The following BPTF variants were observed in gnomAD, a reference collection of about 807,000 sequenced individuals.
BPTF encodes bromodomain PHD finger transcription factor, also known as nucleosome-remodeling factor subunit BPTF.
BPTF carries 18 observed loss-of-function variants against 292.5 expected under a neutral mutation model. The observed-to-expected ratio is 0.06, with a 90% confidence interval of 0.04 to 0.09. The LOEUF is 0.09. Among genes scored for constraint, BPTF ranks in the 10% least tolerant of loss-of-function variants. BPTF has a pLI of 1.00. For missense variants in BPTF, 2,726 were observed against 3,498.7 expected, an observed-to-expected ratio of 0.78 and a Z score of 5.57; for synonymous variants, 1,225 against 1,251.9, an observed-to-expected ratio of 0.98 and a Z score of 0.45.
intron 18 of BPTF, among the ~76,000 whole-genome samples, chr17:67,934,870 C>CAAAAAAAAAA (rs569120237): frequency 0.025 from 2,308 of 90,914 alleles, 400 homozygotes; most frequent in African/African-American, 0.13. Flanking sequence ...AACTCTGTCT[C>CAAAAAAAAAA]AAAAAAAAAA....
chr17:67,925,711 A>G (rs936675332), intron 15 of BPTF, among the ~76,000 whole-genome samples: 2 of 152,162 alleles, frequency 1.3e-5, no homozygotes, highest in Non-Finnish European at 2.9e-5. Flanking sequence ...ATAACTATTT[A>G]AAAATCATAT....
intron 1 of BPTF, among the ~76,000 whole-genome samples, chr17:67,840,470 G>C (rs2057463651): frequency 6.6e-6 from 1 of 151,638 alleles, no homozygotes; most frequent in Admixed American, 6.6e-5. Flanking sequence ...TGTTGTTGTT[G>C]TTGCTGCTGC....
In BPTF at chr17:67,912,834, G is replaced by A. The variant is rs1422417160; in HGVS notation, c.4950G>A (p.Lys1650=). The part of the protein sequence containing the change: ...TGGSVDIISV[K]EQSKTVVTTT... ...GCAGTGTGGACATCATCTCTGTAAA[G>A]GAGCAGAGCAAAACCGTGGTCACCA... Residue 1650 remains lysine (K), a synonymous_variant, in exon 11 of 28, where the codon AAG becomes AAA. Coordinates refer to ENST00000306378, the MANE Select transcript of BPTF (RefSeq NM_182641.4). 1 of 1,614,136 alleles carries A rather than the reference G, an allele frequency of 6.2e-7. No individual in the cohort carries two copies. The highest frequency in any genetic ancestry group is 1.7e-5 in the Admixed American group (1 of 59,988).
chr17:67,863,778 C>G (rs2059227919), intron 2 of BPTF, among the ~76,000 whole-genome samples: 1 of 152,180 alleles, frequency 6.6e-6, no homozygotes, highest in South Asian at 2.1e-4. Context: ...GGACATTATT[C>G]AACTCATTTC....
intron 17 of BPTF, 74 bp from the exon 18 acceptor site, chr17:67,931,837 T>A: frequency 1.9e-6 from 2 of 1,059,908 alleles, no homozygotes; most frequent in Non-Finnish European, 2.8e-6. Context: ...TGTTTAAAGA[T>A]CTTGTGTTCT....
Position 67,904,822 on chromosome 17 carries a change from A to G in BPTF, c.2794A>G (p.Arg932Gly). The change falls in exon 9 of 28, where the codon AGA becomes GGA. Residue 932 changes from arginine (R) to glycine (G), a missense_variant. Physicochemically the swap from Arg to Gly is moderately radical, Grantham distance 125. This residue lies in a region of BPTF where 713 missense variants were observed against 714.9 expected (regional missense o/e 1.00). Transcript: ENST00000306378. ...GCCAGGCAATACTAATGTGAATTAC[A>G]GAAAGTCGTTAGAAGGAAGTAAGTA... ...KLPGNTNVNY[R>G]KSLEGTKNNM... The G allele has an allele frequency of 3.7e-6, 6 of 1,612,340 alleles. No homozygotes were observed. Among genetic ancestry groups the G allele is most frequent in the Non-Finnish European group, 5.1e-6 (6 of 1,178,954 alleles).
chr17:67,917,099 G>A (rs1413799681), intron 11 of BPTF, among the ~76,000 whole-genome samples: 1 of 136,576 alleles, frequency 7.3e-6, no homozygotes, highest in African/African-American at 2.7e-5. Flanking sequence ...AGAGAGATTT[G>A]TCTGTTGATA....
chr17:67,957,745 C>T (rs2067094563), intron 23 of BPTF, among the ~76,000 whole-genome samples: 1 of 152,198 alleles, frequency 6.6e-6, no homozygotes. Context: ...CCTGTAGCTA[C>T]TTGAAGGGGT....
At position 67,864,455 on chromosome 17, in the gene BPTF, G is replaced by A. The variant is rs1161127804; in HGVS notation, c.1437-2009G>A. ...AGGCATGAGAAGTGCTTGAACCCAG[G>A]AGGCAGAGGTTGCAGTGAGCCAAGA... On this transcript the variant is annotated intron_variant, in intron 2 of 27. Transcript: ENST00000306378. Among the ~76,000 whole-genome samples, 3 of 149,430 alleles carry A rather than the reference G, an allele frequency of 2.0e-5. No homozygotes were observed. In the South Asian group the frequency reaches 6.3e-4, roughly 31 times the overall value.
intron 5 of BPTF, among the ~76,000 whole-genome samples, chr17:67,892,333 CAT>C (rs1172632199): frequency 6.6e-6 from 1 of 152,234 alleles, no homozygotes; most frequent in Non-Finnish European, 1.5e-5. Context: ...CTTCTTTACA[CAT>C]ATGAGTAGGC....
chr17:67,929,270 C>T, intron 16 of BPTF, 66 bp from the exon 17 acceptor site: 2 of 1,581,538 alleles, frequency 1.3e-6, no homozygotes, highest in Admixed American at 3.5e-5. Context: ...TCCTCAGCAA[C>T]CGAGCACCAC....
chr17:67,846,838 T>A (rs2058063437), intron 1 of BPTF, among the ~76,000 whole-genome samples: 1 of 152,110 alleles, frequency 6.6e-6, no homozygotes, highest in Admixed American at 6.6e-5. Flanking sequence ...GTAGCTGGGA[T>A]TACAGGCACA....
In BPTF at chr17:67,944,167, G is replaced by A. The variant is rs372038942; in HGVS notation, c.6495G>A (p.Leu2165=). 2.5e-6 allele frequency: 4 copies of A among 1,614,052 alleles called. No homozygotes were observed. The African/African-American group carries it at 5.3e-5, about 22-fold the overall frequency. The change falls in exon 20 of 28, where the codon TTG becomes TTA. Residue 2165 remains leucine, a synonymous_variant. Coordinates refer to ENST00000306378, the MANE Select transcript of BPTF (RefSeq NM_182641.4). ...TTCCACAGGGTGGCAATCAAGGTTT[G>A]ACAGTAGTAATTCAAGGACAAGGTC... The part of the protein sequence containing the change: ...LTQGHGGNQG[L]TVVIQGQGQT...
chr17:67,881,852 G>GTTTTTTTTTT, intron 4 of BPTF, among the ~76,000 whole-genome samples: 1 of 38,386 alleles, frequency 2.6e-5, no homozygotes, highest in Non-Finnish European at 9.4e-5. Flanking sequence ...GGGATTTTGG[G>GTTTTTTTTTT]TTTTTGTTTT....
Position 67,859,046 on chromosome 17 carries a change from T to C in BPTF, c.1436+4284T>C, listed in dbSNP as rs141874439. On this transcript the variant is annotated intron_variant, in intron 2 of 27. Coordinates refer to ENST00000306378, the MANE Select transcript of BPTF (RefSeq NM_182641.4). ...AGCAACATTTATTGAGCACTTCATG[T>C]GTGCCTCACAGTGTCCTAAGCATTT... Among the ~76,000 whole-genome samples the C allele has an allele frequency of 3.3e-3, 500 of 152,312 alleles. 4 individuals are homozygous for C. The highest frequency in any genetic ancestry group is 0.01 in the African/African-American group (433 of 41,566).
chr17:67,911,437 A>G lies in BPTF; in HGVS notation c.3553A>G (p.Ile1185Val), dbSNP rs2062646448. 1 of 1,614,158 alleles carries G rather than the reference A, an allele frequency of 6.2e-7. No homozygotes were observed. Reference sequence around the variant, plus strand: ...AACAAAATGTCCGAAACAAAATTCCATTGAAAATGACATAGAAGAAAAAGT... The same window carrying G: ...AACAAAATGTCCGAAACAAAATTCCGTTGAAAATGACATAGAAGAAAAAGT... ...PETKCPKQNS[I>V]ENDIEEKVSD... The change falls in exon 11 of 28, where the codon ATT becomes GTT. Residue 1185 changes from isoleucine (I) to valine (V), a missense_variant. By Grantham distance (29) the Ile-to-Val change is conservative (BLOSUM62 3). Coordinates refer to ENST00000306378, the MANE Select transcript of BPTF (RefSeq NM_182641.4).
At chr17:67,940,337 TGAAGATGGA>T in intron 18 of BPTF, 93 bp from the exon 19 acceptor site, 1 of 1,078,270 alleles carries the variant, frequency 9.3e-7, no homozygotes, top group Non-Finnish European at 1.4e-6. Context: ...AGTGTTTTTT[TGAAGATGGA>T]AAAGAATACG....
rs8068790 is a variant in BPTF at position 67,959,535 on chromosome 17, T to C, written c.7927-6T>C. On this transcript the variant is annotated splice_polypyrimidine_tract_variant and splice_region_variant and intron_variant, in intron 23 of 27. Coordinates refer to ENST00000306378, the MANE Select transcript of BPTF (RefSeq NM_182641.4). The stretch of plus-strand genomic sequence containing the variant: ...ATAGTCTTGTATTGTCTTTAATTGA[T>C]AACAGGAAGAGCTGAAGAGAGACCT... 0.98 allele frequency: 1,476,720 copies of C among 1,510,850 alleles called. 727,603 individuals are homozygous for C. The highest frequency in any genetic ancestry group is 1 in the East Asian group (43,870 of 43,872). 93.6% of individuals were successfully genotyped at this position (1,510,850 alleles called of 1,614,324 possible).
intron 3 of BPTF, among the ~76,000 whole-genome samples, chr17:67,874,169 C>T (rs1009201881): frequency 6.6e-6 from 1 of 152,132 alleles, no homozygotes; most frequent in African/African-American, 2.4e-5. Context: ...TACTGATATA[C>T]CGTGTGTTCT....
Sources: allele counts gnomAD v4.1 joint callset (sites outside exome capture counted in the v4.1 genomes callset), GRCh38; gene constraint gnomAD v4.1.1; regional missense constraint gnomAD v4.1.1; transcripts MANE v1.5; gene names NCBI Gene and HGNC (gene_info 2026-07-23, HGNC 2026-07-21).